Variants in DBR1 observed in about 807,000 individuals in gnomAD.
DBR1 encodes debranching RNA lariats 1.
DBR1 carries 33 observed loss-of-function variants against 45.9 expected under a neutral mutation model. That is an observed-to-expected ratio of 0.72 (90% CI 0.55 to 0.96). The LOEUF (loss-of-function observed/expected upper bound fraction) is 0.96, where lower values mean the gene tolerates loss of function less well. Ranked by LOEUF, DBR1 falls within the 40% of genes least tolerant of loss-of-function variation. DBR1 has a pLI of 0.00. For missense variants in DBR1, 619 were observed against 667.4 expected (o/e 0.93, Z 0.80); for synonymous variants, 235 against 235.9 (o/e 1.00, Z 0.04).
At position 138,170,342 on chromosome 3, in the gene DBR1, G is replaced by A. The variant is rs575782463; in HGVS notation, c.404-150C>T. On this transcript the variant is annotated intron_variant, in intron 3 of 7. Transcript: ENST00000260803. Reference sequence around the variant, plus strand: ...TAGGGAAATTTTTTAAAAAGATGGTGGACTGCAGTCTCCTTCCTTTGCAGG... The same window carrying A: ...TAGGGAAATTTTTTAAAAAGATGGTAGACTGCAGTCTCCTTCCTTTGCAGG... 1.5e-3 allele frequency: 841 copies of A among 554,958 alleles called. 2 individuals are homozygous for A. Among genetic ancestry groups the A allele is most frequent in the Admixed American group, 4.1e-3 (104 of 25,400 alleles). The allele number at this position is 554,958 out of a possible 1,614,324, so 34.4% of individuals were successfully genotyped here.
chr3:138,174,762 C>A lies in DBR1; in HGVS notation c.34G>T (p.Glu12Ter). 6.2e-7 allele frequency: 1 copy of A among 1,611,834 alleles called. No homozygotes were observed. The highest frequency in any genetic ancestry group is 8.5e-7 in the Non-Finnish European group (1 of 1,179,678). Reference sequence around the variant, plus strand: ...AGCGTCTCATAGATCTTATCCAGCTCGCCGTGGCAGCAGCCAGCCACAGCC... The same window carrying A: ...AGCGTCTCATAGATCTTATCCAGCTAGCCGTGGCAGCAGCCAGCCACAGCC... ...RVAVAGCCHG[E>*]LDKIYETLAL... is the part of the protein sequence containing the mutation. The change falls in exon 1 of 8, where the codon GAG becomes TAG. Residue 12 changes from glutamate to a stop codon, truncating the protein, a stop_gained. Coordinates refer to ENST00000260803, the MANE Select transcript of DBR1 (RefSeq NM_016216.4). LOFTEE classifies it high-confidence loss of function.
In DBR1 at chr3:138,174,621, G is replaced by C. The variant is rs974153054; in HGVS notation, c.175C>G (p.Arg59Gly). Reference sequence around the variant, plus strand: ...CACCTGTAGAAGGTTTGCATGTGACGATACTTGGGCGGCACGGCCATGCAG... The same window carrying C: ...CACCTGTAGAAGGTTTGCATGTGACCATACTTGGGCGGCACGGCCATGCAG... ...LRCMAVPPKY[R>G]HMQTFYRYYS... is the part of the protein sequence containing the mutation. The change falls in exon 1 of 8, where the codon CGT (arginine) becomes GGT (glycine). Residue 59 changes from arginine to glycine, a missense_variant. Physicochemically the swap from Arg to Gly is moderately radical, Grantham distance 125. Transcript: ENST00000260803. The C allele has an allele frequency of 6.2e-7, 1 of 1,607,878 alleles. No homozygotes were observed. The highest frequency in any genetic ancestry group is 1.7e-5 in the Admixed American group (1 of 59,658).
chr3:138,163,924 G>T, intron 5 of DBR1, 66 bp from the exon 6 acceptor site: 2 of 1,117,404 alleles, frequency 1.8e-6, no homozygotes, highest in South Asian at 1.3e-5. Flanking sequence ...CTTCATACAC[G>T]GAATAGGATG....
intron 7 of DBR1, 73 bp from the exon 8 acceptor site, chr3:138,162,655 G>A: frequency 7.9e-7 from 1 of 1,263,632 alleles, no homozygotes; most frequent in Non-Finnish European, 1.1e-6. Context: ...TCTAATTACA[G>A]ACTTCAGGTG....
chr3:138,163,993 T>C, intron 5 of DBR1, 135 bp from the exon 6 acceptor site: 2 of 559,482 alleles, frequency 3.6e-6, no homozygotes, highest in Middle Eastern at 3.6e-4. Flanking sequence ...ACTGTTACTT[T>C]TCCAAAATTA....
chr3:138,167,234 C>T lies in DBR1; in HGVS notation c.561G>A (p.Lys187=), dbSNP rs752543923. The T allele has an allele frequency of 6.2e-7, 1 of 1,613,812 alleles. No individual in the cohort carries two copies. Among genetic ancestry groups the T allele is most frequent in the South Asian group, 1.1e-5 (1 of 91,030 alleles). The part of the protein sequence containing the change: ...PRSIYHYGNK[K]QLLKTKSFFR... ...AAAAAGATTTAGTCTTAAGAAGTTG[C>T]TTCTTATTTCCATAATGATATATAC... Residue 187 remains lysine, a synonymous_variant, in exon 5 of 8, where the codon AAG becomes AAA. Transcript: ENST00000260803.
chr3:138,169,654 G>A (rs1049437108), intron 4 of DBR1, among the ~76,000 whole-genome samples: 6 of 151,804 alleles, frequency 4.0e-5, no homozygotes, highest in Non-Finnish European at 5.9e-5. Context: ...AAATTTTGCC[G>A]GGCACAGTGG....
intron 3 of DBR1, among the ~76,000 whole-genome samples, chr3:138,170,995 GT>G (rs2042950967): frequency 6.6e-6 from 1 of 152,092 alleles, no homozygotes; most frequent in South Asian, 2.1e-4. Flanking sequence ...ATTGTTTAAA[GT>G]TCTTACATAT....
chr3:138,162,337 T>A lies in DBR1; in HGVS notation c.1187A>T (p.Tyr396Phe), dbSNP rs762676910. 1.2e-6 allele frequency: 2 copies of A among 1,614,216 alleles called. No individual in the cohort carries two copies. The highest frequency in any genetic ancestry group is 2.2e-5 in the East Asian group (1 of 44,886). The change falls in exon 8 of 8, where the codon TAT becomes TTT. Residue 396 changes from tyrosine (Y) to phenylalanine (F), a missense_variant. By Grantham distance (22) the Tyr-to-Phe change is conservative. Coordinates refer to ENST00000260803, the MANE Select transcript of DBR1 (RefSeq NM_016216.4). ...ACTCTCCACATCATCCTGTTCTTCA[T>A]ATTCACCACACACATGATGTTCTTC... ...SKEEHHVCGE[Y>F]EEQDDVESND...
In DBR1 at chr3:138,162,423, T is replaced by A. The variant is rs3732839; in HGVS notation, c.1101A>T (p.Thr367=). ...MQLIHRINPQ[T]TEFCAQLGII... ...TGCCAAGTTGGGCACAAAATTCAGTTGTCTGAGGATTGATCCTATGAATCA... is the reference window on the plus strand; with the variant it reads ...TGCCAAGTTGGGCACAAAATTCAGTAGTCTGAGGATTGATCCTATGAATCA... The change falls in exon 8 of 8, where the codon ACA becomes ACT. Residue 367 remains threonine, a synonymous_variant. Coordinates refer to ENST00000260803, the MANE Select transcript of DBR1 (RefSeq NM_016216.4). 0.7 allele frequency: 1,121,594 copies of A among 1,613,782 alleles called. 391,551 individuals are homozygous for A. Among genetic ancestry groups the A allele is most frequent in the African/African-American group, 0.81 (60,743 of 74,944 alleles).
At chr3:138,162,995 C>A (rs2042914779) in intron 7 of DBR1, among the ~76,000 whole-genome samples, 1 of 152,194 alleles carries the variant, frequency 6.6e-6, no homozygotes, top group African/African-American at 2.4e-5. Context: ...CAGCAGCTCA[C>A]GCCTGTAATC....
chr3:138,171,242 T>C (rs2042952072), intron 3 of DBR1: 1 of 153,264 alleles, frequency 6.5e-6, no homozygotes, highest in South Asian at 2.0e-4. Flanking sequence ...GAGGCAGAGG[T>C]GGGTGGGATC....
At chr3:138,171,531 C>T (rs993698380) in intron 3 of DBR1, 102 bp downstream of exon 3, 10 of 417,232 alleles carry the variant, frequency 2.4e-5, no homozygotes, top group South Asian at 3.3e-5. Context: ...AAAACTATAT[C>T]GAGGATACAA....
intron 5 of DBR1, 134 bp downstream of exon 5, chr3:138,166,947 C>T (rs1331013836): frequency 1.6e-5 from 13 of 825,072 alleles, no homozygotes; most frequent in Non-Finnish European, 1.9e-5. Context: ...GCTTGTCTTT[C>T]CCAGAATCAT....
chr3:138,163,715 T>C (rs575779048), intron 6 of DBR1, 63 bp downstream of exon 6: 1 of 1,236,538 alleles, frequency 8.1e-7, no homozygotes, highest in Non-Finnish European at 1.1e-6. Context: ...GAAAGGAAAA[T>C]TATATTTTTT....
rs1234035030 is a variant in DBR1 at position 138,162,164 on chromosome 3, G to A, written c.1360C>T (p.Pro454Ser). ...GAAAACTCAGAAGCTTGATCAGAAG[G>A]TTCTACCGATGGTGTATTCATGCCA... ...HSGMNTPSVEPSDQASEFSAS... is the reference protein window; with the variant it reads ...HSGMNTPSVESSDQASEFSAS... The change falls in exon 8 of 8, where the codon CCT (proline) becomes TCT (serine). Residue 454 changes from proline to serine, a missense_variant. Coordinates refer to ENST00000260803, the MANE Select transcript of DBR1 (RefSeq NM_016216.4). 1.2e-6 allele frequency: 2 copies of A among 1,614,108 alleles called. No homozygotes were observed. Among genetic ancestry groups the A allele is most frequent in the Non-Finnish European group, 1.7e-6 (2 of 1,180,024 alleles).
chr3:138,161,997 T>C lies in DBR1; in HGVS notation c.1527A>G (p.Pro509=), dbSNP rs2042909523. 4 of 1,614,098 alleles carry C rather than the reference T, an allele frequency of 2.5e-6. No homozygotes were observed. Among genetic ancestry groups the C allele is most frequent in the Non-Finnish European group, 3.4e-6 (4 of 1,180,054 alleles). The change falls in exon 8 of 8, where the codon CCA becomes CCG. Residue 509 remains proline (P), a synonymous_variant. Coordinates refer to ENST00000260803, the MANE Select transcript of DBR1 (RefSeq NM_016216.4). ...SGNGEDLTKV[P]LKRLSDEHEP... ...CATGTTCATCACTCAGCCTCTTCAA[T>C]GGCACCTTGGTTAAGTCCTCTCCAT...
chr3:138,163,947 A>G, intron 5 of DBR1, 89 bp from the exon 6 acceptor site: 1 of 906,930 alleles, frequency 1.1e-6, no homozygotes, highest in Non-Finnish European at 1.8e-6. Flanking sequence ...AATAATCTTT[A>G]TCACACATAC....
At chr3:138,168,381 G>A (rs990366404) in intron 4 of DBR1, among the ~76,000 whole-genome samples, 26 of 151,726 alleles carry the variant, frequency 1.7e-4, no homozygotes, top group African/African-American at 3.1e-4. Context: ...TTAGCCGGGC[G>A]TGGTGGTGGG....
Sources: gnomAD v4.1 joint callset for allele counts (sites outside exome capture counted in the v4.1 genomes callset) on GRCh38, gnomAD v4.1.1 for gene constraint, MANE v1.5 for transcripts, NCBI Gene and HGNC (gene_info 2026-07-23, HGNC 2026-07-21) for gene names.